Variants in HERC3 observed in about 807,000 individuals in gnomAD.
HERC3 encodes the protein HECT and RLD domain containing E3 ubiquitin protein ligase 3, also known as probable E3 ubiquitin-protein ligase HERC3.
HERC3 carries 58 observed loss-of-function variants against 129.9 expected under a neutral mutation model. That is an observed-to-expected ratio of 0.45 (90% confidence interval 0.36 to 0.56). HERC3 has a LOEUF of 0.56. Ranked by LOEUF, HERC3 falls within the 20% of genes least tolerant of loss-of-function variation. The pLI is 0.00. For synonymous variants in HERC3, 430 were observed against 451.0 expected (o/e 0.95, Z 0.59); for missense variants, 835 against 1,244.2 (o/e 0.67, Z 4.95).
At chr4:88,577,605 G>GTATATATATATATA in the HERC3 span, among the ~76,000 whole-genome samples, 39 of 131,860 alleles carry the variant, frequency 3.0e-4, no homozygotes, top group African/African-American at 8.6e-4. Flanking sequence ...GTATGTGTGT[G>GTATATATATATATA]TATATATATA....
the HERC3 span, among the ~76,000 whole-genome samples, chr4:88,547,260 A>T: frequency 6.6e-6 from 1 of 152,124 alleles, no homozygotes; most frequent in Non-Finnish European, 1.5e-5. Context: ...AATTTTTTGG[A>T]TAGAAAGTAT....
chr4:88,558,453 G>A, the HERC3 span, among the ~76,000 whole-genome samples: 5 of 152,276 alleles, frequency 3.3e-5, no homozygotes, highest in Admixed American at 2.6e-4. Flanking sequence ...TAAGCTATGA[G>A]GATGCAAAGG....
the HERC3 span, among the ~76,000 whole-genome samples, chr4:88,560,321 T>A: frequency 0.16 from 25,095 of 152,146 alleles, 2,378 homozygotes; most frequent in Admixed American, 0.25. Context: ...GGTTTTGATT[T>A]AAATTTCTCT....
chr4:88,647,700 T>C (rs1357422754), intron 3 of HERC3, among the ~76,000 whole-genome samples: 1 of 152,166 alleles, frequency 6.6e-6, no homozygotes, highest in East Asian at 1.9e-4. Flanking sequence ...AAAAGTGTTA[T>C]TGTTTTGAAG....
intron 3 of HERC3, among the ~76,000 whole-genome samples, chr4:88,606,807 CAT>C (rs1008116993): frequency 3.9e-5 from 6 of 152,168 alleles, no homozygotes; most frequent in Non-Finnish European, 5.9e-5. Context: ...CCTCCCATAA[CAT>C]GTGGGAATTC....
chr4:88,642,485 A>G (rs1343341891), intron 3 of HERC3, among the ~76,000 whole-genome samples: 2 of 152,248 alleles, frequency 1.3e-5, no homozygotes, highest in East Asian at 1.9e-4. Flanking sequence ...TTGGGGTGCT[A>G]TAACAAAAAT....
chr4:88,667,890 A>G lies in HERC3; in HGVS notation c.1444-2A>G. ...TTCTCATTACTCTTTTCCCTCATAC[A>G]GATTTTGAACAGTTTTGAAAGTTGT... On this transcript the variant is annotated splice_acceptor_variant, in intron 13 of 25. Coordinates refer to ENST00000402738, the MANE Select transcript of HERC3 (RefSeq NM_014606.3). LOFTEE classifies it high-confidence loss of function. 1 of 1,604,318 alleles carries G rather than the reference A, an allele frequency of 6.2e-7. No homozygotes were observed. The highest frequency in any genetic ancestry group is 8.5e-7 in the Non-Finnish European group (1 of 1,173,654).
Position 88,687,111 on chromosome 4 carries a change from G to C in HERC3, c.2575-106G>C, listed in dbSNP as rs1733560182. On this transcript the variant is annotated intron_variant, in intron 22 of 25. Coordinates refer to ENST00000402738, the MANE Select transcript of HERC3 (RefSeq NM_014606.3). ...ATTCTCCCACTAATTTTCTGTAATA[G>C]TCATGAAACTACATTTGTTCCTAAA... 8.8e-6 allele frequency: 7 copies of C among 792,224 alleles called. No individual in the cohort carries two copies. In the South Asian group the frequency reaches 1.3e-4, roughly 15 times the overall value. 49.1% of individuals were successfully genotyped at this position (792,224 alleles called of 1,614,324 possible). A position where few individuals can be genotyped will look rare whatever the true frequency, so the allele number is the denominator to read the frequency against.
intron 23 of HERC3, among the ~76,000 whole-genome samples, chr4:88,689,583 T>A (rs2149329322): frequency 6.7e-6 from 1 of 148,182 alleles, no homozygotes; most frequent in East Asian, 2.0e-4. Context: ...CTTGACTACT[T>A]TTTTTTTTTT....
chr4:88,652,465 T>C (rs549691723), intron 5 of HERC3, among the ~76,000 whole-genome samples: 2 of 152,352 alleles, frequency 1.3e-5, no homozygotes, highest in South Asian at 4.1e-4. Context: ...TAAATAAATC[T>C]GCACTTCTGT....
intron 3 of HERC3, among the ~76,000 whole-genome samples, chr4:88,619,919 A>G (rs569900452): frequency 1.3e-5 from 2 of 152,336 alleles, no homozygotes; most frequent in African/African-American, 4.8e-5. Flanking sequence ...TAAAAGAGTA[A>G]TACCTAGTGA....
chr4:88,649,914 G>A lies in HERC3; in HGVS notation c.301G>A (p.Asp101Asn). The change falls in exon 4 of 26, where the codon GAC becomes AAC. Residue 101 changes from aspartate to asparagine, a missense_variant. Physicochemically the swap from Asp to Asn is conservative, Grantham distance 23. Coordinates refer to ENST00000402738, the MANE Select transcript of HERC3 (RefSeq NM_014606.3). ...CGESHSLALS[D>N]RGQLFSWGAG... is the part of the protein sequence containing the mutation. ...CGAGTCCCACAGTCTGGCCCTCAGT[G>A]ACCGAGGCCAGCTGTTTTCTTGGGG... 6.2e-7 allele frequency: 1 copy of A among 1,614,046 alleles called. No homozygotes were observed. Among genetic ancestry groups the A allele is most frequent in the Non-Finnish European group, 8.5e-7 (1 of 1,179,972 alleles).
intron 23 of HERC3, among the ~76,000 whole-genome samples, chr4:88,698,669 C>T (rs949988665): frequency 3.9e-5 from 6 of 152,146 alleles, no homozygotes; most frequent in African/African-American, 1.2e-4. Context: ...TTCGTCTTCC[C>T]TGCCTTCCCC....
chr4:88,629,058 C>A (rs1726455519), intron 3 of HERC3, among the ~76,000 whole-genome samples: 1 of 152,160 alleles, frequency 6.6e-6, no homozygotes, highest in Non-Finnish European at 1.5e-5. Context: ...GTAATCCCAG[C>A]CACTTGGGAG....
intron 3 of HERC3, among the ~76,000 whole-genome samples, chr4:88,612,564 A>G (rs1360039624): frequency 6.6e-6 from 1 of 152,148 alleles, no homozygotes; most frequent in African/African-American, 2.4e-5. Flanking sequence ...GTATTGGATT[A>G]TAAGTCTTTT....
chr4:88,524,702 A>G, the HERC3 span: 1 of 152,232 alleles, frequency 6.6e-6, no homozygotes, highest in Non-Finnish European at 1.5e-5. Flanking sequence ...AACATTTAGA[A>G]AAGTGCCTGG....
chr4:88,676,225 G>T lies in HERC3; in HGVS notation c.1919G>T (p.Arg640Ile). Residue 640 changes from arginine (R) to isoleucine (I), a missense_variant, in exon 17 of 26, where the codon AGA becomes ATA. Arg to Ile is a moderately conservative substitution (Grantham distance 97, BLOSUM62 -3). Coordinates refer to ENST00000402738, the MANE Select transcript of HERC3 (RefSeq NM_014606.3). ...TTATTTTTCTTTACACAGAAGGCTA[G>T]ACCATCAATAATACAGGTAAATGAT... ...WFLHQAGMKA[R>I]PSIIQDTVTL... 1 of 1,570,400 alleles carries T rather than the reference G, an allele frequency of 6.4e-7. No individual in the cohort carries two copies. Among genetic ancestry groups the T allele is most frequent in the Middle Eastern group, 1.7e-4 (1 of 5,806 alleles).
At chr4:88,592,016 G>T (rs1314574128), upstream of HERC3, among the ~76,000 whole-genome samples, 2 of 151,980 alleles carry the variant, frequency 1.3e-5, no homozygotes, top group Non-Finnish European at 2.9e-5. Flanking sequence ...ACAGTCCTAC[G>T]AAGGGGAGTA....
At chr4:88,596,034 A>G (rs1264169158) in intron 2 of HERC3, among the ~76,000 whole-genome samples, 1 of 151,690 alleles carries the variant, frequency 6.6e-6, no homozygotes, top group Non-Finnish European at 1.5e-5. Flanking sequence ...TATTTTTAGT[A>G]GAGACGGGGT....
Sources: gnomAD v4.1 joint callset for allele counts (sites outside exome capture counted in the v4.1 genomes callset) on GRCh38, gnomAD v4.1.1 for gene constraint, MANE v1.5 for transcripts, NCBI Gene and HGNC (gene_info 2026-07-23, HGNC 2026-07-21) for gene names.